Variants in C5orf34 observed in about 807,000 individuals in gnomAD.
C5orf34 encodes the protein uncharacterized protein C5orf34.
A neutral mutation model predicts 78.4 loss-of-function variants in C5orf34; 73 were observed. The observed-to-expected ratio is 0.93, with a 90% CI of 0.77 to 1.13. The LOEUF is 1.13. C5orf34 is among the 50% of genes most tolerant of loss of function. The probability of loss-of-function intolerance (pLI) is 0.00; values close to 1 mark genes in which losing one functional copy is unlikely to be tolerated. For synonymous variants in C5orf34, 251 were observed against 246.6 expected (o/e 1.02, Z -0.17); for missense variants, 730 against 732.7 (o/e 1.00, Z 0.04).
Position 43,492,220 on chromosome 5 carries a change from A to G in C5orf34, c.1575T>C (p.Tyr525=), listed in dbSNP as rs765718530. The G allele has an allele frequency of 7.5e-6, 12 of 1,598,848 alleles. No homozygotes were observed. The highest frequency in any genetic ancestry group is 1.7e-4 in the Middle Eastern group (1 of 6,050). Residue 525 remains tyrosine (Y), a synonymous_variant, in exon 10 of 13, where the codon TAT becomes TAC. Coordinates refer to ENST00000306862, the MANE Select transcript of C5orf34 (RefSeq NM_198566.4). ...TTAAAATTGCTTTTCAGTACCTTTC[A>G]TATGGTTCAGGGTGTTCAATCTGAA... ...QLIQIEHPEP[Y]ERYVTTVTSW...
intron 6 of C5orf34, chr5:43,495,537 C>T (rs1418512867): frequency 1.2e-6 from 2 of 1,611,382 alleles, no homozygotes; most frequent in Non-Finnish European, 1.7e-6. Context: ...TTGAAGCCCA[C>T]ATTGTCCCCA....
rs1745794874 is a variant in C5orf34 at position 43,502,396 on chromosome 5, A to G, written c.1128T>C (p.Tyr376=). The change falls in exon 6 of 13, where the codon TAT becomes TAC. Residue 376 remains tyrosine, a synonymous_variant. Transcript: ENST00000306862. ...CCTTTCCTGATCCTTCTTGAATAGA[A>G]TAATAAGTAAAATAGTTCCCAAAAT... ...GAYFGNYFTY[Y]SIQEGSGKRE... The G allele has an allele frequency of 6.2e-7, 1 of 1,611,726 alleles. No individual in the cohort carries two copies. The highest frequency in any genetic ancestry group is 1.3e-5 in the African/African-American group (1 of 74,836).
intron 5 of C5orf34, 131 bp downstream of exon 5, chr5:43,503,534 C>G: frequency 1.4e-6 from 1 of 737,812 alleles, no homozygotes; most frequent in Non-Finnish European, 2.4e-6. Context: ...CAGGATCAAA[C>G]ACAGGAGCAC....
chr5:43,506,269 G>A lies in C5orf34; in HGVS notation c.411C>T (p.Pro137=), dbSNP rs1745980826. 6.2e-7 allele frequency: 1 copy of A among 1,614,112 alleles called. No individual in the cohort carries two copies. Among genetic ancestry groups the A allele is most frequent in the African/African-American group, 1.3e-5 (1 of 75,014 alleles). Residue 137 remains proline, a synonymous_variant, in exon 4 of 13, where the codon CCC becomes CCT. Coordinates refer to ENST00000306862, the MANE Select transcript of C5orf34 (RefSeq NM_198566.4). The part of the protein sequence containing the change: ...SLDGHAYLCL[P]RSQHEFTVHF... ...GTACTGTAAATTCATGCTGAGATCTGGGCAGGCAGAGGTATGCATGACCAT... is the reference window on the plus strand; with the variant it reads ...GTACTGTAAATTCATGCTGAGATCTAGGCAGGCAGAGGTATGCATGACCAT...
In C5orf34 at chr5:43,508,577, C is replaced by CT; in HGVS notation, c.284dup (p.His96AlafsTer5). 6.4e-7 allele frequency: 1 copy of CT among 1,566,246 alleles called. No individual in the cohort carries two copies. On this transcript the variant is annotated frameshift_variant and splice_region_variant, in exon 3 of 13. Transcript: ENST00000306862. LOFTEE classifies it high-confidence loss of function. ...ACAAAAATGAAGTTAAAAAAATCAC[C>CT]TTTTTTCTTTCAGAAGGTATGATGG...
Position 43,498,318 on chromosome 5 carries a change from CAA to C in C5orf34, c.1153-3719_1153-3718del, listed in dbSNP as rs1437908406. ...TCTTATTTCCAAGACCCTATTTCAT[CAA>C]CTCTAAAATGCTCATTTTTCACAAT... On this transcript the variant is annotated intron_variant, in intron 6 of 12. Transcript: ENST00000306862. Among the ~76,000 whole-genome samples, 7 of 152,254 alleles carry C rather than the reference CAA, an allele frequency of 4.6e-5. No homozygotes were observed. In the East Asian group the frequency reaches 1.4e-3, roughly 29 times the overall value.
chr5:43,509,512 G>C, intron 1 of C5orf34, 137 bp from the exon 2 acceptor site: 1 of 498,832 alleles, frequency 2.0e-6, no homozygotes, highest in African/African-American at 2.0e-5. Context: ...AACTACACTG[G>C]ATAAATCTGA....
intron 4 of C5orf34, among the ~76,000 whole-genome samples, chr5:43,504,646 A>G (rs4074777): frequency 0.49 from 73,927 of 151,908 alleles, 18,857 homozygotes; most frequent in Middle Eastern, 0.63. Flanking sequence ...AGGGATTGCT[A>G]AAGTCCAGCT....
intron 4 of C5orf34, 43 bp from the exon 5 acceptor site, chr5:43,503,803 T>A (rs867105224): frequency 1.5e-6 from 2 of 1,314,450 alleles, no homozygotes; most frequent in Non-Finnish European, 2.2e-6. Context: ...GGTTGCTCAA[T>A]ATAATTGTCT....
intron 1 of C5orf34, among the ~76,000 whole-genome samples, chr5:43,511,903 G>T (rs1037105392): frequency 1.3e-5 from 2 of 152,062 alleles, no homozygotes; most frequent in Admixed American, 6.6e-5. Context: ...GAAGGCTGCA[G>T]GGTCCTCTGC....
intron 8 of C5orf34, 70 bp from the exon 9 acceptor site, chr5:43,492,960 G>T: frequency 9.1e-7 from 1 of 1,100,510 alleles, no homozygotes; most frequent in Non-Finnish European, 1.3e-6. Context: ...GAATATTAAT[G>T]ACTCTAGGGC....
intron 6 of C5orf34, 136 bp from the exon 7 acceptor site, chr5:43,494,737 T>C (rs1745426133): frequency 1.9e-6 from 1 of 514,650 alleles, no homozygotes; most frequent in Admixed American, 3.6e-5. Context: ...GCCCACAAAA[T>C]CATGGTATTT....
In C5orf34 at chr5:43,503,750, A is replaced by T; in HGVS notation, c.943T>A (p.Cys315Ser). The part of the protein sequence containing the change: ...PVPHLHRWNF[C>S]DSLLQRQSDE... Reference sequence around the variant, plus strand: ...GATTGTCTCTGTAAAAGTGAATCACAAAAATTCCACCTGTGAAGGATAAAA... The same window carrying T: ...GATTGTCTCTGTAAAAGTGAATCACTAAAATTCCACCTGTGAAGGATAAAA... The change falls in exon 5 of 13, where the codon TGT becomes AGT. Residue 315 changes from cysteine to serine, a missense_variant. By Grantham distance (112) the Cys-to-Ser change is moderately radical. Transcript: ENST00000306862. The T allele has an allele frequency of 1.2e-6, 2 of 1,609,802 alleles. No individual in the cohort carries two copies. Among genetic ancestry groups the T allele is most frequent in the Non-Finnish European group, 1.7e-6 (2 of 1,176,188 alleles).
At chr5:43,497,546 A>G (rs1745588091) in intron 6 of C5orf34, among the ~76,000 whole-genome samples, 1 of 152,160 alleles carries the variant, frequency 6.6e-6, no homozygotes, top group African/African-American at 2.4e-5. Context: ...TGTGGATTCA[A>G]ATCACAAGTC....
chr5:43,493,232 G>T (rs573591338), intron 8 of C5orf34, among the ~76,000 whole-genome samples: 37 of 151,194 alleles, frequency 2.4e-4, no homozygotes, highest in African/African-American at 7.5e-4. Flanking sequence ...TTATTTTTAC[G>T]GTTATGAAAA....
intron 1 of C5orf34, among the ~76,000 whole-genome samples, chr5:43,514,003 G>A (rs1451206774): frequency 1.3e-5 from 2 of 152,154 alleles, no homozygotes; most frequent in African/African-American, 2.4e-5. Flanking sequence ...ATAGTAAATG[G>A]CACAATAAAT....
chr5:43,504,962 A>C (rs548118483), intron 4 of C5orf34, among the ~76,000 whole-genome samples: 1 of 152,210 alleles, frequency 6.6e-6, no homozygotes, highest in Non-Finnish European at 1.5e-5. Flanking sequence ...CAATTTTACA[A>C]GTACTAGCTG....
At chr5:43,494,228 C>T (rs371456828) in intron 7 of C5orf34, among the ~76,000 whole-genome samples, 43 of 152,132 alleles carry the variant, frequency 2.8e-4, no homozygotes, top group East Asian at 1.7e-3. Flanking sequence ...AATAATGATG[C>T]CACACTTATG....
At chr5:43,495,239 C>T in intron 6 of C5orf34, 4 of 1,607,546 alleles carry the variant, frequency 2.5e-6, no homozygotes, top group Non-Finnish European at 3.4e-6. Flanking sequence ...AATGGGCTTG[C>T]CAGGAACCAT....
Sources: allele counts gnomAD v4.1 joint callset (sites outside exome capture counted in the v4.1 genomes callset), GRCh38; gene constraint gnomAD v4.1.1; transcripts MANE v1.5; gene names NCBI Gene and HGNC (gene_info 2026-07-23, HGNC 2026-07-21).